Variants in PLCL1 observed in about 807,000 individuals in gnomAD.
The protein encoded by PLCL1 is inactive phospholipase C-like protein 1.
Under a neutral mutation model 84.4 loss-of-function variants are expected in PLCL1, and 41 were observed. The ratio of observed to expected loss-of-function variants is 0.49; its 90% confidence interval spans 0.38 to 0.63. The LOEUF is 0.63. PLCL1 is among the 30% of genes least tolerant of loss of function. The probability of loss-of-function intolerance (pLI) is 0.00; values close to 1 mark genes in which losing one functional copy is unlikely to be tolerated. For synonymous variants in PLCL1, 490 were observed against 488.3 expected, an observed-to-expected ratio of 1.00 and a Z score of -0.05; for missense variants, 1,206 against 1,367.8, an observed-to-expected ratio of 0.88 and a Z score of 1.87.
At position 198,084,616 on chromosome 2, in the gene PLCL1, C is replaced by G. The variant is rs368374568; in HGVS notation, c.1099C>G (p.Arg367Gly). ...IRRYELSEEG[R>G]QKGFLAIDGF... ...GAGATACGAACTTTCTGAAGAGGGA[C>G]GTCAAAAAGGGTTTCTTGCAATTGA... Residue 367 changes from arginine (R) to glycine (G), a missense_variant, in exon 2 of 6, where the codon CGT becomes GGT. By Grantham distance (125) the Arg-to-Gly change is moderately radical (BLOSUM62 -2). Coordinates refer to ENST00000428675, the MANE Select transcript of PLCL1 (RefSeq NM_006226.4). The G allele has an allele frequency of 1.2e-6, 2 of 1,613,866 alleles. No individual in the cohort carries two copies. Among genetic ancestry groups the G allele is most frequent in the Non-Finnish European group, 8.5e-7 (1 of 1,179,836 alleles).
chr2:198,049,379 C>T (rs576705803), intron 1 of PLCL1, among the ~76,000 whole-genome samples: 39 of 152,190 alleles, frequency 2.6e-4, no homozygotes, highest in South Asian at 6.2e-4. Flanking sequence ...AAAATTGCCT[C>T]CTGATTTTAT....
intron 5 of PLCL1, among the ~76,000 whole-genome samples, chr2:198,124,659 T>C (rs542097129): frequency 1.3e-5 from 2 of 152,132 alleles, no homozygotes; most frequent in South Asian, 2.1e-4. Context: ...ACAAACAAAA[T>C]CTTGCTTTGG....
chr2:198,112,452 C>G (rs1014643328), intron 5 of PLCL1, among the ~76,000 whole-genome samples: 4 of 151,832 alleles, frequency 2.6e-5, no homozygotes, highest in African/African-American at 9.7e-5. Context: ...CTTGATGGGA[C>G]AGAGGAAGTT....
chr2:197,939,716 A>ATTTT (rs1319786314), intron 1 of PLCL1, among the ~76,000 whole-genome samples: 1 of 128,414 alleles, frequency 7.8e-6, no homozygotes, highest in African/African-American at 3.0e-5. Flanking sequence ...ACTTCAACAG[A>ATTTT]CTTTTTTTTT....
chr2:197,955,431 TAA>T (rs34953848), intron 1 of PLCL1, among the ~76,000 whole-genome samples: 3 of 143,424 alleles, frequency 2.1e-5, no homozygotes, highest in South Asian at 2.2e-4. Context: ...TTATTTCTTC[TAA>T]AAAAAAAAAA....
intron 1 of PLCL1, among the ~76,000 whole-genome samples, chr2:198,020,431 A>C (rs1384769228): frequency 1.3e-5 from 2 of 152,202 alleles, no homozygotes; most frequent in African/African-American, 4.8e-5. Flanking sequence ...CAATTAAAAG[A>C]CACAGACTGG....
In PLCL1 at chr2:198,122,796, T is replaced by G. The variant is rs58304757; in HGVS notation, c.3105+18860T>G. Among the ~76,000 whole-genome samples, 804 of 152,254 alleles carry G rather than the reference T, an allele frequency of 5.3e-3. 53 individuals are homozygous for G. In the East Asian group the frequency reaches 0.15, roughly 28 times the overall value. ...GTAAAATACACTTAACAACAAATAATCACTTATAGTTATAAAATATGTATT... is the reference window on the plus strand; with the variant it reads ...GTAAAATACACTTAACAACAAATAAGCACTTATAGTTATAAAATATGTATT... On this transcript the variant is annotated intron_variant, in intron 5 of 5. Transcript: ENST00000428675.
intron 5 of PLCL1, among the ~76,000 whole-genome samples, chr2:198,113,144 C>A (rs1693662212): frequency 6.6e-6 from 1 of 151,852 alleles, no homozygotes; most frequent in Non-Finnish European, 1.5e-5. Flanking sequence ...TTTGTAGAAT[C>A]TTGTTATTGT....
chr2:197,920,658 G>A (rs1212957691), intron 1 of PLCL1, among the ~76,000 whole-genome samples: 1 of 152,130 alleles, frequency 6.6e-6, no homozygotes, highest in Non-Finnish European at 1.5e-5. Context: ...TACAGACAGT[G>A]TCTAGTGTAA....
At chr2:197,873,098 A>C (rs995979756) in intron 1 of PLCL1, among the ~76,000 whole-genome samples, 1 of 152,166 alleles carries the variant, frequency 6.6e-6, no homozygotes, top group African/African-American at 2.4e-5. Flanking sequence ...TCAAAAGATT[A>C]ATATAGGGAA....
At chr2:197,947,865 A>G (rs950307038) in intron 1 of PLCL1, among the ~76,000 whole-genome samples, 1 of 152,170 alleles carries the variant, frequency 6.6e-6, no homozygotes, top group African/African-American at 2.4e-5. Context: ...GCAAAGGCTG[A>G]GAATGATGGA....
intron 1 of PLCL1, among the ~76,000 whole-genome samples, chr2:197,897,095 ACTCCTTCTTCTTCTTCTTCTTCTT>A (rs1286413810): frequency 6.8e-6 from 1 of 148,032 alleles, no homozygotes; most frequent in Non-Finnish European, 1.5e-5. Context: ...TAGAAGTATG[ACTCCTTCTTCTTCTTCTTCTTCTT>A]CTTCTTCTTC....
chr2:198,111,788 A>G (rs1466275368), intron 5 of PLCL1, among the ~76,000 whole-genome samples: 1 of 151,924 alleles, frequency 6.6e-6, no homozygotes, highest in Non-Finnish European at 1.5e-5. Context: ...ACTATGCTAT[A>G]TTGTCAAAAT....
At chr2:197,940,374 C>T (rs1983359) in intron 1 of PLCL1, among the ~76,000 whole-genome samples, 109,378 of 152,088 alleles carry the variant, frequency 0.72, 40,258 homozygotes, top group African/African-American at 0.87. Context: ...TAAAGTGTCA[C>T]AGCTTTTAGT....
At chr2:197,833,600 C>T (rs1691116837) in intron 1 of PLCL1, among the ~76,000 whole-genome samples, 2 of 152,064 alleles carry the variant, frequency 1.3e-5, no homozygotes, top group Non-Finnish European at 2.9e-5. Context: ...GAATAAAATA[C>T]ACAGGAATAC....
chr2:198,092,937 ATTG>A (rs1286111283), intron 3 of PLCL1, among the ~76,000 whole-genome samples: 2 of 152,204 alleles, frequency 1.3e-5, no homozygotes, highest in Non-Finnish European at 1.5e-5. Flanking sequence ...AAAAGCATCT[ATTG>A]TTGGTGAAAA....
intron 1 of PLCL1, among the ~76,000 whole-genome samples, chr2:197,866,125 CTATATATAT>C: frequency 1.4e-4 from 1 of 7,324 alleles, no homozygotes; most frequent in African/African-American, 2.4e-3. Context: ...TATATATAAA[CTATATATAT>C]ATATAAACTA....
intron 1 of PLCL1, among the ~76,000 whole-genome samples, chr2:198,009,466 G>A (rs1690813669): frequency 6.6e-6 from 1 of 151,872 alleles, no homozygotes; most frequent in Non-Finnish European, 1.5e-5. Flanking sequence ...GTGTGGTCTT[G>A]GCACTCTTGC....
intron 1 of PLCL1, among the ~76,000 whole-genome samples, chr2:198,064,227 A>C (rs1692273228): frequency 6.6e-6 from 1 of 152,152 alleles, no homozygotes; most frequent in South Asian, 2.1e-4. Flanking sequence ...ATAAGTCCCT[A>C]GTCCTCCAAG....
Sources: gnomAD v4.1 joint callset for allele counts (sites outside exome capture counted in the v4.1 genomes callset) on GRCh38, gnomAD v4.1.1 for gene constraint, MANE v1.5 for transcripts, NCBI Gene and HGNC (gene_info 2026-07-23, HGNC 2026-07-21) for gene names.